BDH2: variants seen among roughly 807,000 people sequenced by gnomAD.
BDH2 encodes the protein dehydrogenase/reductase SDR family member 6.
In BDH2, 24 loss-of-function variants were observed where a neutral mutation model predicts 33.2. That is an observed-to-expected ratio of 0.72 (90% confidence interval 0.52 to 1.02). The LOEUF (loss-of-function observed/expected upper bound fraction) is 1.02. Ranked by LOEUF, BDH2 falls within the 50% of genes least tolerant of loss-of-function variation. BDH2 has a pLI of 0.00. For missense variants in BDH2, 249 were observed against 301.6 expected, an observed-to-expected ratio of 0.83 and a Z score of 1.29; for synonymous variants, 81 against 101.6, an observed-to-expected ratio of 0.80 and a Z score of 1.22.
At chr4:103,084,489 A>C (rs1270017551) in intron 7 of BDH2, among the ~76,000 whole-genome samples, 1 of 152,216 alleles carries the variant, frequency 6.6e-6, no homozygotes, top group Non-Finnish European at 1.5e-5. Flanking sequence ...GTTTGATAAC[A>C]TATTTTCCAA....
chr4:103,095,408 G>T, intron 2 of BDH2, 127 bp from the exon 3 acceptor site: 1 of 668,576 alleles, frequency 1.5e-6, no homozygotes, highest in Non-Finnish European at 2.5e-6. Context: ...AAGATAGCTA[G>T]AATTTTAAAC....
At chr4:103,084,020 T>C (rs1038393572) in intron 7 of BDH2, among the ~76,000 whole-genome samples, 7 of 152,212 alleles carry the variant, frequency 4.6e-5, no homozygotes, top group African/African-American at 1.7e-4. Flanking sequence ...ACCTTCACAC[T>C]ACAGGCAACA....
intron 4 of BDH2, chr4:103,091,850 G>A (rs1441488095): frequency 2.3e-6 from 1 of 434,672 alleles, no homozygotes; most frequent in Admixed American, 2.7e-5. Flanking sequence ...GAATTCTCAA[G>A]GGAAATCAAA....
rs1480958874 is a variant in BDH2 at position 103,082,794 on chromosome 4, T to A, written c.591+77A>T. On this transcript the variant is annotated intron_variant, in intron 8 of 9. Transcript: ENST00000296424. Reference sequence around the variant, plus strand: ...ACTACCATTTCACTTTCTGTCTCTATGAATTTGTCTGCTATAGGTATGGAA... The same window carrying A: ...ACTACCATTTCACTTTCTGTCTCTAAGAATTTGTCTGCTATAGGTATGGAA... 1.3e-5 allele frequency: 16 copies of A among 1,279,504 alleles called. No homozygotes were observed. In the African/African-American group the frequency reaches 1.5e-4, roughly 12 times the overall value. The allele number at this position is 1,279,504 out of a possible 1,614,324, so 79.3% of individuals were successfully genotyped here. A position where few individuals can be genotyped will look rare whatever the true frequency, so the allele number is the denominator to read the frequency against.
chr4:103,089,628 A>C (rs1747976003), intron 5 of BDH2, among the ~76,000 whole-genome samples: 1 of 152,172 alleles, frequency 6.6e-6, no homozygotes, highest in African/African-American at 2.4e-5. Context: ...TCCTTTACTA[A>C]AATTTGTAAA....
In BDH2 at chr4:103,086,520, GC is replaced by G. The variant is rs1370175174; in HGVS notation, c.377del (p.Gly126AlafsTer17). ...FLPKMLAQKSGNIINMSSVAS... is the reference protein window; with the variant it reads ...FLPKMLAQKSXNIINMSSVAS... The stretch of plus-strand genomic sequence containing the variant: ...CCACAGAAGACATGTTGATAATATT[GC>G]CAGATTTCTGAGCAAGCATCTGCCA... On this transcript the variant is annotated frameshift_variant, in exon 6 of 10. Coordinates refer to ENST00000296424, the MANE Select transcript of BDH2 (RefSeq NM_020139.4). LOFTEE classifies it high-confidence loss of function. 1 of 1,610,088 alleles carries G rather than the reference GC, an allele frequency of 6.2e-7. No homozygotes were observed. The highest frequency in any genetic ancestry group is 1.7e-5 in the Admixed American group (1 of 59,496).
rs1215312526 is a variant in BDH2, at chr4:103,079,351, T to G, written c.*351A>C. On this transcript the variant is annotated 3_prime_UTR_variant, in exon 10 of 10. Transcript: ENST00000296424. ...CACCTTTATCTTGCACTTCCTAGCCTCCAGACTGAAAAATAAATGTTTGTT... is the reference window on the plus strand; with the variant it reads ...CACCTTTATCTTGCACTTCCTAGCCGCCAGACTGAAAAATAAATGTTTGTT... The G allele has an allele frequency of 5.4e-6, 1 of 186,720 alleles. No homozygotes were observed. The highest frequency in any genetic ancestry group is 6.0e-5 in the Admixed American group (1 of 16,672). The allele number at this position is 186,720 out of a possible 1,614,324, so 11.6% of individuals were successfully genotyped here.
At chr4:103,097,151 T>C (rs1455815916) in intron 1 of BDH2, among the ~76,000 whole-genome samples, 1 of 151,704 alleles carries the variant, frequency 6.6e-6, no homozygotes, top group African/African-American at 2.4e-5. Flanking sequence ...ATTTTACAGA[T>C]GAGGAAACTG....
At position 103,095,262 on chromosome 4, in the gene BDH2, G is replaced by A. The variant is rs1748341426; in HGVS notation, c.92C>T (p.Ala31Val). 6.2e-7 allele frequency: 1 copy of A among 1,613,412 alleles called. No homozygotes were observed. The highest frequency in any genetic ancestry group is 1.1e-5 in the South Asian group (1 of 91,078). ...ATTAATGTCTGTGGCTATGACTTTG[G>A]CACCTTCTCTTGCAAAAGCCTAGTA... ...AAALAFAREG[A>V]KVIATDINES... The change falls in exon 3 of 10, where the codon GCC becomes GTC. Residue 31 changes from alanine (A) to valine (V), a missense_variant. Coordinates refer to ENST00000296424, the MANE Select transcript of BDH2 (RefSeq NM_020139.4).
chr4:103,096,102 A>T (rs1045151273), intron 2 of BDH2, 81 bp downstream of exon 2: 6 of 1,012,900 alleles, frequency 5.9e-6, no homozygotes, highest in Non-Finnish European at 8.8e-6. Context: ...AGCAGAAGTA[A>T]ACAACCATGG....
Position 103,084,507 on chromosome 4 carries a change from A to G in BDH2, c.532+842T>C, listed in dbSNP as rs1279087579. On this transcript the variant is annotated intron_variant, in intron 7 of 9. Coordinates refer to ENST00000296424, the MANE Select transcript of BDH2 (RefSeq NM_020139.4). ...TGATAACATATTTTCCAATCTCCTG[A>G]TAAGTCCAGTCGCTGAAACAACCAC... Among the ~76,000 whole-genome samples, 6 of 152,322 alleles carry G rather than the reference A, an allele frequency of 3.9e-5. No homozygotes were observed. The South Asian group carries it at 1.0e-3, about 26-fold the overall frequency.
At chr4:103,094,117 G>T (rs990275829) in intron 3 of BDH2, among the ~76,000 whole-genome samples, 2 of 152,080 alleles carry the variant, frequency 1.3e-5, no homozygotes, top group African/African-American at 4.8e-5. Flanking sequence ...AAGAAGTGGT[G>T]GTACACACCT....
chr4:103,091,367 T>A, intron 4 of BDH2, 82 bp from the exon 5 acceptor site: 2 of 850,920 alleles, frequency 2.4e-6, no homozygotes, highest in Non-Finnish European at 3.9e-6. Flanking sequence ...TATTGTCACT[T>A]AGTGACTTAG....
In BDH2 at chr4:103,085,375, C is replaced by A; in HGVS notation, c.506G>T (p.Gly169Val). The A allele has an allele frequency of 6.2e-7, 1 of 1,611,236 alleles. No individual in the cohort carries two copies. The highest frequency in any genetic ancestry group is 8.5e-7 in the Non-Finnish European group (1 of 1,179,390). Residue 169 changes from glycine to valine, a missense_variant, in exon 7 of 10, where the codon GGC becomes GTC. Coordinates refer to ENST00000296424, the MANE Select transcript of BDH2 (RefSeq NM_020139.4). The stretch of plus-strand genomic sequence containing the variant: ...TGGGCACACACAGTTGCACCTGATG[C>A]CCTGCTGGATGAAATCTGCAGCCAC... ...KSVAADFIQQ[G>V]IRCNCVCPGT...
intron 3 of BDH2, among the ~76,000 whole-genome samples, chr4:103,094,339 A>G (rs1748256395): frequency 6.6e-6 from 1 of 152,202 alleles, no homozygotes; most frequent in South Asian, 2.1e-4. Flanking sequence ...TATAAGACTT[A>G]ATATACAGTA....
intron 2 of BDH2, 130 bp from the exon 3 acceptor site, chr4:103,095,411 T>A (rs1297026256): frequency 1.4e-5 from 9 of 647,698 alleles, no homozygotes; most frequent in Non-Finnish European, 2.4e-5. Flanking sequence ...ATAGCTAGAA[T>A]TTTAAACTAT....
intron 8 of BDH2, 144 bp downstream of exon 8, chr4:103,082,727 T>G (rs186476150): frequency 1.4e-6 from 1 of 708,766 alleles, no homozygotes; most frequent in African/African-American, 1.8e-5. Flanking sequence ...CTCTACTCAT[T>G]AAGCATTAAC....
At chr4:103,094,092 T>A (rs1748244431) in intron 3 of BDH2, among the ~76,000 whole-genome samples, 1 of 152,160 alleles carries the variant, frequency 6.6e-6, no homozygotes, top group Non-Finnish European at 1.5e-5. Context: ...TGTTGGAGTT[T>A]GGTTCAGTGG....
At chr4:103,088,088 C>T (rs1020264391) in intron 5 of BDH2, among the ~76,000 whole-genome samples, 1 of 152,216 alleles carries the variant, frequency 6.6e-6, no homozygotes, top group African/African-American at 2.4e-5. Context: ...TGTAACCCAA[C>T]CAAGCTAAGG....
Sources: allele counts gnomAD v4.1 joint callset (sites outside exome capture counted in the v4.1 genomes callset), GRCh38; gene constraint gnomAD v4.1.1; transcripts MANE v1.5; gene names NCBI Gene and HGNC (gene_info 2026-07-23, HGNC 2026-07-21).